The following RPAP1 variants were observed in gnomAD, a reference collection of about 807,000 sequenced individuals.
The protein encoded by RPAP1 is RNA polymerase II-associated protein 1.
RPAP1 carries 109 observed loss-of-function variants against 142.4 expected under a neutral mutation model. That is an observed-to-expected ratio of 0.77 (90% confidence interval 0.66 to 0.90). The LOEUF (loss-of-function observed/expected upper bound fraction) is 0.90. Among genes scored for constraint, RPAP1 ranks in the 40% least tolerant of loss-of-function variants. The probability of loss-of-function intolerance (pLI) is 0.00; values close to 1 mark genes in which losing one functional copy is unlikely to be tolerated. For missense variants in RPAP1, 1,546 were observed against 1,751.7 expected (o/e 0.88, Z 2.10); for synonymous variants, 704 against 738.9 (o/e 0.95, Z 0.77).
chr15:41,535,861 T>C (rs2051901092), intron 4 of RPAP1, among the ~76,000 whole-genome samples: 1 of 152,164 alleles, frequency 6.6e-6, no homozygotes, highest in African/African-American at 2.4e-5. Flanking sequence ...ATGTGTGGTG[T>C]TGGACAAGTT....
At chr15:41,517,972 C>T (rs765364634) in intron 23 of RPAP1, 34 bp downstream of exon 23, 5 of 1,613,852 alleles carry the variant, frequency 3.1e-6, no homozygotes, top group Non-Finnish European at 1.7e-6. Flanking sequence ...TTGCTAGCTC[C>T]CTTCCTTCCT....
intron 2 of RPAP1, 28 bp from the exon 3 acceptor site, chr15:41,536,677 G>C: frequency 1.2e-6 from 2 of 1,609,562 alleles, no homozygotes; most frequent in Admixed American, 3.3e-5. Flanking sequence ...CCAAACGTGA[G>C]TATATGCACA....
At chr15:41,521,262 C>T (rs2051723826) in intron 21 of RPAP1, 115 bp from the exon 22 acceptor site, 9 of 1,016,926 alleles carry the variant, frequency 8.9e-6, no homozygotes, top group Admixed American at 8.4e-5. Context: ...CCTCTCTGCT[C>T]CCTTAACTAC....
In RPAP1 at chr15:41,535,557, C is replaced by T; in HGVS notation, c.496G>A (p.Gly166Ser). The T allele has an allele frequency of 6.2e-7, 1 of 1,613,914 alleles. No homozygotes were observed. The highest frequency in any genetic ancestry group is 8.5e-7 in the Non-Finnish European group (1 of 1,179,936). The change falls in exon 5 of 25, where the codon GGC (glycine) becomes AGC (serine). Residue 166 changes from glycine to serine, a missense_variant. Physicochemically the swap from Gly to Ser is moderately conservative, Grantham distance 56. Around this residue, in one of 3 missense-constraint regions of RPAP1, gnomAD observed 1,333 missense variants for 1,486.6 expected, o/e 0.90. Transcript: ENST00000304330. The stretch of plus-strand genomic sequence containing the variant: ...GGCACAACTTCCCCAACTGATGGGC[C>T]CTTGGCTTCAGCTATCCTCCTTGCC... ...IAARRIAEAK[G>S]PSVGEVVPNV...
rs746677536 is a variant in RPAP1, at chr15:41,527,603, C to T, written c.1431G>A (p.Glu477=). The part of the protein sequence containing the change: ...RALLVAPGDE[E]LLDSTFSWYH... ...ACCAAGAGAAGGTGCTGTCGAGGAGCTCCTGCCAGAGGAACGGGAGTTGGG... is the reference window on the plus strand; with the variant it reads ...ACCAAGAGAAGGTGCTGTCGAGGAGTTCCTGCCAGAGGAACGGGAGTTGGG... Residue 477 remains glutamate, a splice_region_variant and synonymous_variant, in exon 12 of 25, where the codon GAG becomes GAA. Transcript: ENST00000304330. 4 of 1,611,040 alleles carry T rather than the reference C, an allele frequency of 2.5e-6. No individual in the cohort carries two copies. In the African/African-American group the frequency reaches 4.0e-5, roughly 16 times the overall value.
At position 41,521,733 on chromosome 15, in the gene RPAP1, C is replaced by G. The variant is rs1372543577; in HGVS notation, c.3038+5G>C. 6.2e-7 allele frequency: 1 copy of G among 1,613,880 alleles called. No individual in the cohort carries two copies. The highest frequency in any genetic ancestry group is 8.5e-7 in the Non-Finnish European group (1 of 1,179,976). On this transcript the variant is annotated splice_donor_5th_base_variant and intron_variant, in intron 21 of 24. Coordinates refer to ENST00000304330, the MANE Select transcript of RPAP1 (RefSeq NM_015540.4). The stretch of plus-strand genomic sequence containing the variant: ...CTGAGTTGATGCCACCAACCAAGCA[C>G]TTACGGGAGGAACTCCAGCCGGAAT...
chr15:41,519,040 C>T (rs2140754476), intron 22 of RPAP1, among the ~76,000 whole-genome samples: 1 of 151,944 alleles, frequency 6.6e-6, no homozygotes, highest in South Asian at 2.1e-4. Context: ...ACGGGCAAAT[C>T]ACCAGGTCTG....
intron 16 of RPAP1, 25 bp from the exon 17 acceptor site, chr15:41,523,997 C>T: frequency 1.2e-6 from 2 of 1,613,156 alleles, no homozygotes; most frequent in African/African-American, 2.7e-5. Flanking sequence ...AAGGGTGCCA[C>T]AGTGAGGATC....
At position 41,517,530 on chromosome 15, in the gene RPAP1, A is replaced by G. The variant is rs770160811; in HGVS notation, c.*12T>C. The G allele has an allele frequency of 2.3e-5, 36 of 1,533,584 alleles. 1 individual carries two copies. Among genetic ancestry groups the G allele is most frequent in the Middle Eastern group, 1.8e-4 (1 of 5,678 alleles). 95.0% of individuals were successfully genotyped at this position (1,533,584 alleles called of 1,614,324 possible). A position where few individuals can be genotyped will look rare whatever the true frequency, so the allele number is the denominator to read the frequency against. On this transcript the variant is annotated 3_prime_UTR_variant, in exon 25 of 25. Transcript: ENST00000304330. ...GGACAACGTACCCATCTTTCCATCT[A>G]TATCAACTATCCTAGGTCTCTGATA... is the stretch of plus-strand genomic sequence containing the variant.
At chr15:41,535,342 C>T (rs1390011700) in intron 5 of RPAP1, among the ~76,000 whole-genome samples, 170 bp downstream of exon 5, 2 of 152,186 alleles carry the variant, frequency 1.3e-5, no homozygotes, top group Non-Finnish European at 2.9e-5. Flanking sequence ...CCACTCCCAG[C>T]ACCTGAGACC....
rs766803156 is a variant in RPAP1 at position 41,520,848 on chromosome 15, G to A, written c.3338C>T (p.Ala1113Val). 3.1e-6 allele frequency: 5 copies of A among 1,613,790 alleles called. No homozygotes were observed. In the Admixed American group the frequency reaches 6.7e-5, roughly 22 times the overall value. The change falls in exon 22 of 25, where the codon GCT becomes GTT. Residue 1113 changes from alanine to valine, a missense_variant. By Grantham distance (64) the Ala-to-Val change is moderately conservative. Coordinates refer to ENST00000304330, the MANE Select transcript of RPAP1 (RefSeq NM_015540.4). The part of the protein sequence containing the change: ...FLPLIRLYHR[A>V]SDTPSGLSPT... ...AGAGAGTCCCGAGGGGGTGTCTGAA[G>A]CCCGGTGGTAGAGGCGAATCAGTGG...
At position 41,524,236 on chromosome 15, in the gene RPAP1, C is replaced by A; in HGVS notation, c.2094G>T (p.Leu698=). 6.5e-7 allele frequency: 1 copy of A among 1,544,604 alleles called. No individual in the cohort carries two copies. Residue 698 remains leucine, a synonymous_variant, in exon 16 of 25, where the codon CTG becomes CTT. Transcript: ENST00000304330. Reference sequence around the variant, plus strand: ...GCGGCACCACCTGCAAGGCCCGCATCAGCACTGGGTAGAGCTCCCTAGGGA... The same window carrying A: ...GCGGCACCACCTGCAAGGCCCGCATAAGCACTGGGTAGAGCTCCCTAGGGA... ...GYLYRELYPV[L]MRALQVVPRE... is the part of the protein sequence containing the mutation.
At chr15:41,520,255 A>G in intron 22 of RPAP1, 136 bp downstream of exon 22, 1 of 952,000 alleles carries the variant, frequency 1.1e-6, no homozygotes, top group Non-Finnish European at 1.6e-6. Flanking sequence ...CTTTTCATTG[A>G]TTCTCTTAAT....
chr15:41,522,472 C>A, intron 19 of RPAP1: 1 of 575,418 alleles, frequency 1.7e-6, no homozygotes, highest in African/African-American at 1.9e-5. Flanking sequence ...CTCACCGCAG[C>A]CTCCGCCTCC....
chr15:41,528,167 A>C lies in RPAP1; in HGVS notation c.1260+68T>G. ...AGTGAGCCAGAGTGAAAAGGGCAGG[A>C]GATGGGGAAGTCTGAGGCTGTGGGG... is the stretch of plus-strand genomic sequence containing the variant. On this transcript the variant is annotated intron_variant, in intron 10 of 24. Coordinates refer to ENST00000304330, the MANE Select transcript of RPAP1 (RefSeq NM_015540.4). The C allele has an allele frequency of 2.0e-6, 3 of 1,512,156 alleles. No homozygotes were observed. In the South Asian group the frequency reaches 3.5e-5, roughly 18 times the overall value. 93.7% of individuals were successfully genotyped at this position (1,512,156 alleles called of 1,614,324 possible).
intron 21 of RPAP1, 37 bp downstream of exon 21, chr15:41,521,700 CA>C: frequency 6.2e-7 from 1 of 1,609,796 alleles, no homozygotes; most frequent in Non-Finnish European, 8.5e-7. Context: ...CAGCAGCGTC[CA>C]AAAGGGCTGA....
intron 5 of RPAP1, 94 bp downstream of exon 5, chr15:41,535,416 CCT>C: frequency 6.8e-7 from 1 of 1,461,926 alleles, no homozygotes; most frequent in Non-Finnish European, 9.2e-7. Context: ...CTCAAATGCA[CCT>C]CTCATTTGAG....
At chr15:41,530,030 C>A in intron 7 of RPAP1, 51 bp from the exon 8 acceptor site, 1 of 1,439,826 alleles carries the variant, frequency 6.9e-7, no homozygotes, top group South Asian at 1.2e-5. Context: ...GCTCACTATC[C>A]ACAGGGGTCC....
intron 4 of RPAP1, 145 bp downstream of exon 4, chr15:41,535,981 AAAG>A: frequency 1.6e-6 from 1 of 640,268 alleles, no homozygotes; most frequent in East Asian, 2.8e-5. Flanking sequence ...ATGAAGATTA[AAAG>A]AAGTAATGGG....
Sources: allele counts gnomAD v4.1 joint callset (sites outside exome capture counted in the v4.1 genomes callset), GRCh38; gene constraint gnomAD v4.1.1; regional missense constraint gnomAD v4.1.1; transcripts MANE v1.5; gene names NCBI Gene and HGNC (gene_info 2026-07-23, HGNC 2026-07-21).